The following SSBP2 variants were observed in gnomAD, a reference collection of about 807,000 sequenced individuals.
SSBP2 encodes single-stranded DNA-binding protein 2.
A neutral mutation model predicts 61.8 loss-of-function variants in SSBP2; 17 were observed. The observed-to-expected ratio is 0.28, with a 90% CI of 0.19 to 0.41. The LOEUF (loss-of-function observed/expected upper bound fraction) is 0.41, where lower values mean the gene tolerates loss of function less well. Ranked by LOEUF, SSBP2 falls within the 10% of genes least tolerant of loss-of-function variation. The pLI is 1.00. For synonymous variants in SSBP2, 139 were observed against 141.3 expected, an observed-to-expected ratio of 0.98 and a Z score of 0.12; for missense variants, 310 against 458.7, an observed-to-expected ratio of 0.68 and a Z score of 2.96.
chr5:81,483,925 T>C (rs1349765223), intron 6 of SSBP2, among the ~76,000 whole-genome samples: 2 of 152,302 alleles, frequency 1.3e-5, no homozygotes, highest in East Asian at 3.9e-4. Flanking sequence ...ACTAGTCCTA[T>C]CTCAAGTGCT....
intron 4 of SSBP2, among the ~76,000 whole-genome samples, chr5:81,533,837 T>C (rs1441805671): frequency 6.6e-6 from 1 of 152,098 alleles, no homozygotes; most frequent in African/African-American, 2.4e-5. Flanking sequence ...TCAATAATTC[T>C]AGGGTAACTC....
intron 1 of SSBP2, among the ~76,000 whole-genome samples, chr5:81,657,244 T>G (rs981021377): frequency 6.6e-6 from 1 of 152,134 alleles, no homozygotes; most frequent in African/African-American, 2.4e-5. Flanking sequence ...AATACTATTG[T>G]AAAGAATCAG....
intron 1 of SSBP2, among the ~76,000 whole-genome samples, chr5:81,675,936 T>C (rs1037197220): frequency 3.9e-5 from 6 of 152,178 alleles, no homozygotes; most frequent in African/African-American, 1.4e-4. Flanking sequence ...TCCACACATT[T>C]TCCTCAGACC....
At chr5:81,475,362 T>G in intron 6 of SSBP2, among the ~76,000 whole-genome samples, 1 of 152,154 alleles carries the variant, frequency 6.6e-6, no homozygotes, top group East Asian at 1.9e-4. Context: ...TCAAAAGAAA[T>G]TTAACATTAA....
At chr5:81,680,891 T>C (rs1228101904) in intron 1 of SSBP2, among the ~76,000 whole-genome samples, 1 of 152,182 alleles carries the variant, frequency 6.6e-6, no homozygotes, top group Non-Finnish European at 1.5e-5. Context: ...AAGGACCTAC[T>C]TGAACTCAAC....
At chr5:81,615,092 T>C (rs773255300) in intron 4 of SSBP2, 1 of 169,750 alleles carries the variant, frequency 5.9e-6, no homozygotes, top group Non-Finnish European at 1.3e-5. Flanking sequence ...AGTATTTCTA[T>C]ATTTAATCAA....
intron 1 of SSBP2, among the ~76,000 whole-genome samples, chr5:81,736,453 G>A (rs1397203638): frequency 6.6e-6 from 1 of 152,048 alleles, no homozygotes; most frequent in Non-Finnish European, 1.5e-5. Context: ...ATTGATATAT[G>A]CTCACAAATG....
At chr5:81,701,398 A>T (rs1329662288) in intron 1 of SSBP2, among the ~76,000 whole-genome samples, 1 of 152,218 alleles carries the variant, frequency 6.6e-6, no homozygotes, top group African/African-American at 2.4e-5. Flanking sequence ...AGTTTGAAAT[A>T]GAAGAAAAAT....
intron 1 of SSBP2, among the ~76,000 whole-genome samples, chr5:81,661,868 C>T (rs10942277): frequency 0.055 from 8,308 of 152,164 alleles, 461 homozygotes; most frequent in African/African-American, 0.14. Flanking sequence ...CCTACTTTTG[C>T]TTTTGTTGGC....
intron 5 of SSBP2, among the ~76,000 whole-genome samples, chr5:81,499,367 AT>A: frequency 6.6e-6 from 1 of 152,324 alleles, no homozygotes; most frequent in East Asian, 1.9e-4. Context: ...GGCCGCTGAT[AT>A]TATGAGCTTT....
intron 10 of SSBP2, among the ~76,000 whole-genome samples, chr5:81,455,173 CA>C (rs1248816251): frequency 6.7e-6 from 1 of 149,254 alleles, no homozygotes; most frequent in African/African-American, 2.5e-5. Context: ...CAAAAAAAAA[CA>C]AAAAACAAAG....
intron 4 of SSBP2, among the ~76,000 whole-genome samples, chr5:81,607,987 C>G (rs1361030696): frequency 6.6e-6 from 1 of 152,062 alleles, no homozygotes; most frequent in Non-Finnish European, 1.5e-5. Flanking sequence ...TACTTCTCAC[C>G]AAGTTGTATT....
chr5:81,640,384 G>C (rs1016156091), intron 2 of SSBP2, among the ~76,000 whole-genome samples: 2 of 152,034 alleles, frequency 1.3e-5, no homozygotes, highest in Admixed American at 1.3e-4. Context: ...TAGCCATTTT[G>C]AGGTGCTAAA....
intron 4 of SSBP2, among the ~76,000 whole-genome samples, chr5:81,544,089 G>C (rs1380195177): frequency 2.0e-5 from 3 of 152,144 alleles, no homozygotes; most frequent in South Asian, 4.2e-4. Context: ...TCGCTCTGTG[G>C]CCCAGGCTGG....
intron 4 of SSBP2, among the ~76,000 whole-genome samples, chr5:81,542,081 T>C (rs147629773): frequency 1.3e-5 from 2 of 152,094 alleles, no homozygotes; most frequent in African/African-American, 4.8e-5. Flanking sequence ...AAAAAACATA[T>C]AGCCTCATTA....
intron 1 of SSBP2, 169 bp downstream of exon 1, chr5:81,750,812 A>C: frequency 4.2e-6 from 3 of 716,736 alleles, no homozygotes; most frequent in Non-Finnish European, 6.7e-6. Flanking sequence ...CCTCCCGGGA[A>C]AGCGCAGCTC....
intron 6 of SSBP2, among the ~76,000 whole-genome samples, chr5:81,475,146 T>C (rs1246584495): frequency 1.3e-5 from 2 of 152,154 alleles, no homozygotes; most frequent in Non-Finnish European, 2.9e-5. Flanking sequence ...TCCTGGGATA[T>C]ATACTGAACC....
At chr5:81,692,172 A>C (rs1753256439) in intron 1 of SSBP2, among the ~76,000 whole-genome samples, 2 of 152,232 alleles carry the variant, frequency 1.3e-5, no homozygotes, top group Admixed American at 1.3e-4. Flanking sequence ...TGCAGGAAGC[A>C]AAACCAACAT....
chr5:81,604,911 G>A (rs1320985795), intron 4 of SSBP2, among the ~76,000 whole-genome samples: 1 of 152,056 alleles, frequency 6.6e-6, no homozygotes, highest in Non-Finnish European at 1.5e-5. Flanking sequence ...TATTGAACAT[G>A]TAATATGTTA....
Sources: gnomAD v4.1 joint callset for allele counts (sites outside exome capture counted in the v4.1 genomes callset) on GRCh38, gnomAD v4.1.1 for gene constraint, MANE v1.5 for transcripts, NCBI Gene and HGNC (gene_info 2026-07-23, HGNC 2026-07-21) for gene names.